The following LRRC4C variants were observed in gnomAD, a reference collection of about 807,000 sequenced individuals.
LRRC4C encodes leucine rich repeat containing 4C, also known as leucine-rich repeat-containing protein 4C.
Under a neutral mutation model 33.6 loss-of-function variants are expected in LRRC4C, and 5 were observed. That is an observed-to-expected ratio of 0.15 (90% CI 0.08 to 0.31). The LOEUF is 0.31. Ranked by LOEUF, LRRC4C falls within the 10% of genes least tolerant of loss-of-function variation. LRRC4C has a pLI of 1.00. For missense variants in LRRC4C, 560 were observed against 796.7 expected (o/e 0.70, Z 3.58); for synonymous variants, 329 against 302.0 (o/e 1.09, Z -0.93).
At chr11:41,247,409 G>T (rs1948489148) in intron 1 of LRRC4C, among the ~76,000 whole-genome samples, 1 of 152,148 alleles carries the variant, frequency 6.6e-6, no homozygotes, top group Non-Finnish European at 1.5e-5. Context: ...GCTTTTCAAT[G>T]TCTACTTAAG....
chr11:41,300,247 C>A (rs551746767), intron 1 of LRRC4C, among the ~76,000 whole-genome samples: 1 of 152,272 alleles, frequency 6.6e-6, no homozygotes. Flanking sequence ...TGGAGAGCTT[C>A]ATTTGCAACA....
chr11:41,376,972 C>T (rs74496506), intron 1 of LRRC4C, among the ~76,000 whole-genome samples: 9,174 of 152,110 alleles, frequency 0.06, 367 homozygotes, highest in Middle Eastern at 0.1. Flanking sequence ...GAGAAAAGGG[C>T]TTCAACTAAT....
intron 4 of LRRC4C, among the ~76,000 whole-genome samples, chr11:40,268,539 A>G (rs1048882659): frequency 6.6e-6 from 1 of 152,202 alleles, no homozygotes; most frequent in African/African-American, 2.4e-5. Context: ...TATATTTAAA[A>G]GAAGAGAAGA....
At chr11:40,159,958 C>A (rs1859018281) in intron 5 of LRRC4C, among the ~76,000 whole-genome samples, 1 of 152,244 alleles carries the variant, frequency 6.6e-6, no homozygotes, top group South Asian at 2.1e-4. Context: ...GAATAAAGAA[C>A]CCTGTTTAAT....
chr11:40,716,898 T>G (rs1946752175), intron 2 of LRRC4C, among the ~76,000 whole-genome samples: 1 of 152,146 alleles, frequency 6.6e-6, no homozygotes, highest in African/African-American at 2.4e-5. Context: ...TTCTGAAGCT[T>G]GGCTGTGTCT....
intron 1 of LRRC4C, among the ~76,000 whole-genome samples, chr11:41,258,163 C>A (rs191966202): frequency 6.6e-6 from 1 of 151,956 alleles, no homozygotes; most frequent in African/African-American, 2.4e-5. Flanking sequence ...TGGCTTTAAC[C>A]GGAGTATGCA....
intron 1 of LRRC4C, among the ~76,000 whole-genome samples, chr11:41,014,784 C>G (rs1245713812): frequency 6.6e-6 from 1 of 152,016 alleles, no homozygotes; most frequent in Admixed American, 6.5e-5. Context: ...TCAGTCTCCT[C>G]GGTGGGACTT....
intron 1 of LRRC4C, among the ~76,000 whole-genome samples, chr11:41,276,138 A>T (rs1949476040): frequency 6.6e-6 from 1 of 152,236 alleles, no homozygotes. Context: ...ACTTAAATTT[A>T]GCTCTAACAA....
At chr11:40,608,938 C>T (rs184687956) in intron 3 of LRRC4C, among the ~76,000 whole-genome samples, 15 of 152,146 alleles carry the variant, frequency 9.9e-5, no homozygotes, top group South Asian at 2.1e-4. Context: ...GAATCATTGA[C>T]GGAACTGACA....
At chr11:41,425,907 T>C (rs1170869164) in intron 1 of LRRC4C, among the ~76,000 whole-genome samples, 1 of 152,082 alleles carries the variant, frequency 6.6e-6, no homozygotes, top group Non-Finnish European at 1.5e-5. Flanking sequence ...GCCTTTTAGA[T>C]AGAGCCCAAT....
At chr11:41,175,188 T>C (rs1341974256) in intron 1 of LRRC4C, among the ~76,000 whole-genome samples, 1 of 152,076 alleles carries the variant, frequency 6.6e-6, no homozygotes, top group African/African-American at 2.4e-5. Flanking sequence ...CTCAGTTAGA[T>C]TCCTCCAGCA....
chr11:40,329,928 A>T (rs569790518), intron 3 of LRRC4C, among the ~76,000 whole-genome samples: 2 of 151,916 alleles, frequency 1.3e-5, no homozygotes, highest in South Asian at 4.2e-4. Flanking sequence ...TTTTTGGTAG[A>T]GATGGGGTTT....
intron 1 of LRRC4C, among the ~76,000 whole-genome samples, chr11:40,983,727 T>A (rs114168932): frequency 8.5e-5 from 13 of 152,156 alleles, no homozygotes. Context: ...ATGTGGCTAA[T>A]AAGTGTATGA....
At chr11:40,385,376 TTCTA>T (rs1017549099) in intron 3 of LRRC4C, among the ~76,000 whole-genome samples, 10 of 152,310 alleles carry the variant, frequency 6.6e-5, no homozygotes, top group African/African-American at 2.4e-4. Context: ...AGTTTTTGAG[TTCTA>T]TCTATCTAAC....
chr11:41,346,834 C>T (rs1478232101), intron 1 of LRRC4C, among the ~76,000 whole-genome samples: 5 of 152,006 alleles, frequency 3.3e-5, no homozygotes, highest in African/African-American at 1.2e-4. Context: ...AACTGGGACA[C>T]CAAATTAAAA....
intron 3 of LRRC4C, among the ~76,000 whole-genome samples, chr11:40,432,719 C>A (rs1315542694): frequency 6.6e-6 from 1 of 152,138 alleles, no homozygotes; most frequent in Non-Finnish European, 1.5e-5. Context: ...CTTTCATCAC[C>A]TGATTTATTA....
chr11:40,219,150 T>C (rs1445491140), intron 5 of LRRC4C, among the ~76,000 whole-genome samples: 1 of 152,228 alleles, frequency 6.6e-6, no homozygotes, highest in African/African-American at 2.4e-5. Context: ...CATGTGGCTA[T>C]TCAAATTGAA....
At chr11:40,814,697 T>C (rs2135414250) in intron 2 of LRRC4C, among the ~76,000 whole-genome samples, 1 of 151,816 alleles carries the variant, frequency 6.6e-6, no homozygotes, top group Non-Finnish European at 1.5e-5. Context: ...CTTAGAAATT[T>C]CTTCTGCCAG....
rs564743518 is a variant in LRRC4C, at chr11:40,211,915, G to C, written c.-96+29604C>G. Among the ~76,000 whole-genome samples, 31 of 152,302 alleles carry C rather than the reference G, an allele frequency of 2.0e-4. No homozygotes were observed. The East Asian group carries it at 3.3e-3, about 16-fold the overall frequency. On this transcript the variant is annotated intron_variant, in intron 5 of 6. Coordinates refer to ENST00000528697, the MANE Select transcript of LRRC4C (RefSeq NM_001258419.2). ...AGCTTTGTATTAGAATGTTGGGACA[G>C]AGAGATGGAAGATGCCTGGATCCCT...
Sources: allele counts gnomAD v4.1 joint callset (sites outside exome capture counted in the v4.1 genomes callset), GRCh38; gene constraint gnomAD v4.1.1; transcripts MANE v1.5; gene names NCBI Gene and HGNC (gene_info 2026-07-23, HGNC 2026-07-21).